The following FAM193A variants were observed in gnomAD, a reference collection of about 807,000 sequenced individuals.
FAM193A encodes protein FAM193A.
FAM193A carries 22 observed loss-of-function variants against 126.5 expected under a neutral mutation model. The observed-to-expected ratio is 0.17, with a 90% CI of 0.12 to 0.25. The LOEUF is 0.25. FAM193A is among the 10% of genes least tolerant of loss of function. FAM193A has a pLI of 1.00. For missense variants in FAM193A, 1,675 were observed against 1,672.8 expected (o/e 1.00, Z -0.02); for synonymous variants, 761 against 646.8 (o/e 1.18, Z -2.68).
intron 20 of FAM193A, among the ~76,000 whole-genome samples, chr4:2,728,585 G>A (rs1192284550): frequency 6.6e-6 from 1 of 152,074 alleles, no homozygotes; most frequent in Admixed American, 6.6e-5. Flanking sequence ...GAGGGGCCTG[G>A]GGCTGAAATT....
chr4:2,707,967 C>T (rs140651999), intron 19 of FAM193A, among the ~76,000 whole-genome samples: 3 of 152,158 alleles, frequency 2.0e-5, no homozygotes, highest in African/African-American at 4.8e-5. Context: ...CCAGGCTAGT[C>T]TCGAACTCCT....
rs995515574 is a variant in FAM193A at position 2,610,100 on chromosome 4, C to T, written c.501+13771C>T. 1.6e-4 allele frequency among the ~76,000 whole-genome samples: 24 copies of T among 147,398 alleles called. 1 individual carries two copies. The highest frequency in any genetic ancestry group is 5.8e-4 in the African/African-American group (23 of 39,722). On this transcript the variant is annotated intron_variant, in intron 2 of 20. Coordinates refer to ENST00000637812, the MANE Select transcript of FAM193A (RefSeq NM_001366318.2). ...TACAAAAATTAGTTGGGCTTGGTTG[C>T]GGGTGCCTGTAATCCCAGCTACTCA...
chr4:2,602,959 CTTTTTTTTTTTT>C (rs71178487), intron 2 of FAM193A, among the ~76,000 whole-genome samples: 4 of 42,292 alleles, frequency 9.5e-5, no homozygotes, highest in African/African-American at 2.3e-4. Context: ...TGCACCCGGC[CTTTTTTTTTTTT>C]TTTTTTTTTT....
chr4:2,668,147 C>G lies in FAM193A; in HGVS notation c.2080-3974C>G, dbSNP rs189414548. On this transcript the variant is annotated intron_variant, in intron 12 of 20. Coordinates refer to ENST00000637812, the MANE Select transcript of FAM193A (RefSeq NM_001366318.2). ...CTCAAACTCCTGGCCTTCAGTGATT[C>G]TCCCGCCAGGAAATCCCAAAGTGCT... Among the ~76,000 whole-genome samples the G allele has an allele frequency of 7.9e-5, 12 of 152,032 alleles. No homozygotes were observed. In the East Asian group the frequency reaches 1.7e-3, roughly 22 times the overall value.
chr4:2,717,672 T>C (rs1719693586), intron 20 of FAM193A, among the ~76,000 whole-genome samples: 1 of 151,334 alleles, frequency 6.6e-6, no homozygotes, highest in Non-Finnish European at 1.5e-5. Context: ...GAGGATCACT[T>C]GAACCTAGGA....
chr4:2,668,631 T>C (rs557181517), intron 12 of FAM193A, among the ~76,000 whole-genome samples: 1 of 152,326 alleles, frequency 6.6e-6, no homozygotes, highest in African/African-American at 2.4e-5. Flanking sequence ...GTACTATTAT[T>C]GTCCTATATA....
At chr4:2,566,260 C>T (rs184419581) in intron 1 of FAM193A, among the ~76,000 whole-genome samples, 1 of 152,030 alleles carries the variant, frequency 6.6e-6, no homozygotes, top group Non-Finnish European at 1.5e-5. Flanking sequence ...TGTTAGCCAG[C>T]ATGGTCTCGA....
intron 15 of FAM193A, 63 bp downstream of exon 15, chr4:2,691,033 G>GTCTTTGTAACTCA: frequency 6.8e-7 from 1 of 1,471,738 alleles, no homozygotes; most frequent in Non-Finnish European, 9.2e-7. Context: ...CTGACTTCTC[G>GTCTTTGTAACTCA]TCTTTGTAAC....
intron 6 of FAM193A, among the ~76,000 whole-genome samples, chr4:2,645,226 A>G (rs1458154783): frequency 1.3e-5 from 2 of 152,206 alleles, no homozygotes; most frequent in African/African-American, 4.8e-5. Context: ...TATTATAAAC[A>G]TGGTATTTGA....
chr4:2,537,249 C>G (rs1211663494), intron 1 of FAM193A, 79 bp downstream of exon 1: 1 of 165,274 alleles, frequency 6.1e-6, no homozygotes, highest in African/African-American at 2.4e-5. Flanking sequence ...CTCGGCCTCC[C>G]GCTGTCGGCC....
intron 13 of FAM193A, among the ~76,000 whole-genome samples, chr4:2,686,312 C>T (rs1327839810): frequency 6.6e-6 from 1 of 152,114 alleles, no homozygotes; most frequent in Non-Finnish European, 1.5e-5. Flanking sequence ...AGATGCATTC[C>T]CTTATTCCTC....
chr4:2,628,642 C>A (rs1239835138), intron 4 of FAM193A, among the ~76,000 whole-genome samples: 3 of 151,784 alleles, frequency 2.0e-5, no homozygotes, highest in East Asian at 3.9e-4. Flanking sequence ...AAGAAAAACA[C>A]AAAAAAACAA....
At chr4:2,536,537 G>A (rs1182937808), upstream of FAM193A, 7 of 138,482 alleles carry the variant, frequency 5.1e-5, no homozygotes, top group Non-Finnish European at 9.4e-5. Flanking sequence ...GGCAAGCAAA[G>A]GGAAAAGCAG....
intron 19 of FAM193A, among the ~76,000 whole-genome samples, chr4:2,705,886 C>T (rs1350370229): frequency 2.0e-5 from 3 of 152,096 alleles, no homozygotes; most frequent in Admixed American, 1.3e-4. Context: ...CCATGCCCGG[C>T]CTTAGCACCA....
chr4:2,632,641 G>C (rs925243473), intron 5 of FAM193A, among the ~76,000 whole-genome samples: 7 of 138,928 alleles, frequency 5.0e-5, no homozygotes, highest in African/African-American at 1.6e-4. Context: ...CCATGGGGAG[G>C]TATCTATTCT....
chr4:2,550,332 C>A (rs1244529908), intron 1 of FAM193A, among the ~76,000 whole-genome samples: 1 of 152,122 alleles, frequency 6.6e-6, no homozygotes, highest in Non-Finnish European at 1.5e-5. Flanking sequence ...AGGCGTGAGC[C>A]ACCACACCCA....
At chr4:2,609,126 T>G (rs910894949) in intron 2 of FAM193A, among the ~76,000 whole-genome samples, 2 of 151,806 alleles carry the variant, frequency 1.3e-5, no homozygotes, top group African/African-American at 4.8e-5. Context: ...TCTTGTGACC[T>G]TGTGATCCAC....
intron 12 of FAM193A, among the ~76,000 whole-genome samples, chr4:2,665,063 A>G (rs993295698): frequency 6.6e-6 from 1 of 152,212 alleles, no homozygotes; most frequent in Non-Finnish European, 1.5e-5. Context: ...ATATAGATCA[A>G]TTTAGGGAGA....
chr4:2,727,394 CTTAT>C (rs1340906513), intron 20 of FAM193A, among the ~76,000 whole-genome samples: 1 of 150,550 alleles, frequency 6.6e-6, no homozygotes, highest in Non-Finnish European at 1.5e-5. Context: ...ATCTTACTTA[CTTAT>C]TTATTTATTA....
Sources: gnomAD v4.1 joint callset for allele counts (sites outside exome capture counted in the v4.1 genomes callset) on GRCh38, gnomAD v4.1.1 for gene constraint, MANE v1.5 for transcripts, NCBI Gene and HGNC (gene_info 2026-07-23, HGNC 2026-07-21) for gene names.